The following RYR2 variants were observed in gnomAD, a reference collection of about 807,000 sequenced individuals.
The protein encoded by RYR2 is cardiac muscle ryanodine receptor-calcium release channel.
Under a neutral mutation model 601.1 loss-of-function variants are expected in RYR2, and 227 were observed. The observed-to-expected ratio is 0.38, with a 90% CI of 0.34 to 0.42. The LOEUF (loss-of-function observed/expected upper bound fraction) is 0.42, where lower values mean the gene tolerates loss of function less well. RYR2 is among the 10% of genes least tolerant of loss of function. RYR2 has a pLI of 1.00. For missense variants in RYR2, 4,646 were observed against 6,156.5 expected, an observed-to-expected ratio of 0.75 and a Z score of 8.21; for synonymous variants, 2,223 against 2,175.1, an observed-to-expected ratio of 1.02 and a Z score of -0.61.
intron 27 of RYR2, among the ~76,000 whole-genome samples, chr1:237,560,935 T>C (rs1206993846): frequency 2.0e-5 from 3 of 152,184 alleles, no homozygotes; most frequent in Non-Finnish European, 2.9e-5. Context: ...GCATGTGTTT[T>C]CTGGCGAACT....
At chr1:237,818,594 G>A (rs75716856) in intron 100 of RYR2, among the ~76,000 whole-genome samples, 8,390 of 152,086 alleles carry the variant, frequency 0.055, 747 homozygotes, top group African/African-American at 0.19. Flanking sequence ...AAGGGTGTTA[G>A]TATGTTTTCT....
chr1:237,682,433 T>A (rs2148945837), intron 62 of RYR2, among the ~76,000 whole-genome samples: 1 of 152,280 alleles, frequency 6.6e-6, no homozygotes, highest in South Asian at 2.1e-4. Context: ...ACATTTCAAT[T>A]AATTTTGGAC....
chr1:237,560,330 C>T (rs1333006088), intron 27 of RYR2, among the ~76,000 whole-genome samples: 1 of 152,218 alleles, frequency 6.6e-6, no homozygotes, highest in Non-Finnish European at 1.5e-5. Flanking sequence ...TGATTTTCAA[C>T]AAATGTCCTT....
intron 87 of RYR2, among the ~76,000 whole-genome samples, chr1:237,777,663 G>A (rs190705629): frequency 4.4e-4 from 67 of 152,294 alleles, no homozygotes; most frequent in Middle Eastern, 3.4e-3. Flanking sequence ...AACAGTCTGC[G>A]TGCTACAGCG....
At chr1:237,153,235 TG>T (rs957131230) in intron 1 of RYR2, among the ~76,000 whole-genome samples, 6 of 152,232 alleles carry the variant, frequency 3.9e-5, no homozygotes, top group African/African-American at 1.4e-4. Flanking sequence ...TTTTGAGATT[TG>T]GGGGGAGGGG....
intron 1 of RYR2, among the ~76,000 whole-genome samples, chr1:237,081,887 C>T (rs543654634): frequency 6.6e-6 from 1 of 152,232 alleles, no homozygotes; most frequent in East Asian, 1.9e-4. Flanking sequence ...TGAGCTCCAC[C>T]AGGCACTACT....
intron 1 of RYR2, among the ~76,000 whole-genome samples, chr1:237,259,315 C>T (rs1688284777): frequency 6.6e-6 from 1 of 152,094 alleles, no homozygotes; most frequent in South Asian, 2.1e-4. Flanking sequence ...CAACACCAGT[C>T]TGGCTAACAT....
At chr1:237,387,960 G>A in intron 9 of RYR2, 127 bp from the exon 10 acceptor site, 1 of 824,608 alleles carries the variant, frequency 1.2e-6, no homozygotes. Flanking sequence ...TGTGACCTTG[G>A]CCAGGTCCTT....
At chr1:237,371,426 G>C (rs1264102689) in intron 6 of RYR2, among the ~76,000 whole-genome samples, 1 of 152,018 alleles carries the variant, frequency 6.6e-6, no homozygotes, top group Non-Finnish European at 1.5e-5. Context: ...CAAAGTCCTG[G>C]GATTACAGGC....
chr1:237,213,973 T>TGCAGTGGTG (rs1248117743), intron 1 of RYR2, among the ~76,000 whole-genome samples: 1 of 142,022 alleles, frequency 7.0e-6, no homozygotes, highest in Non-Finnish European at 1.5e-5. Context: ...CAGGCTGGAG[T>TGCAGTGGTG]GCAGTGGTGT....
rs1248065418 is a variant in RYR2 at position 237,819,400 on chromosome 1, A to AT, written c.14590+212dup. ...TGGTATGAAGGGAAGATACAGTGTT[A>AT]TTTTGTCTTCTTTCAAATAACATAA... On this transcript the variant is annotated intron_variant, in intron 101 of 104. Transcript: ENST00000366574. The surrounding 1 kb of genome is among the most constrained non-coding windows in gnomAD (Gnocchi z 4.0). Among the ~76,000 whole-genome samples, 1 of 152,126 alleles carries AT rather than the reference A, an allele frequency of 6.6e-6. No homozygotes were observed. The highest frequency in any genetic ancestry group is 1.5e-5 in the Non-Finnish European group (1 of 68,022).
At chr1:237,134,530 G>A (rs1024640621) in intron 1 of RYR2, among the ~76,000 whole-genome samples, 1 of 152,052 alleles carries the variant, frequency 6.6e-6, no homozygotes, top group African/African-American at 2.4e-5. Flanking sequence ...AGAACAGCAT[G>A]GGAAAGACCT....
At chr1:237,517,305 T>C (rs1046880038) in intron 24 of RYR2, among the ~76,000 whole-genome samples, 14 of 152,184 alleles carry the variant, frequency 9.2e-5, no homozygotes, top group Admixed American at 8.5e-4. Context: ...TTCCTTCACT[T>C]CCTTTATAAC....
intron 15 of RYR2, among the ~76,000 whole-genome samples, chr1:237,455,719 T>C (rs1472098897): frequency 6.6e-6 from 1 of 152,130 alleles, no homozygotes. Flanking sequence ...TTGAGGACGT[T>C]CCCACTGGGT....
intron 10 of RYR2, among the ~76,000 whole-genome samples, chr1:237,390,164 C>A (rs1335484952): frequency 2.7e-5 from 4 of 145,536 alleles, no homozygotes; most frequent in African/African-American, 8.5e-5. Context: ...GGAGTTAGAG[C>A]TTATAAGAGA....
intron 54 of RYR2, among the ~76,000 whole-genome samples, chr1:237,659,015 A>T (rs1683515078): frequency 1.3e-5 from 2 of 152,244 alleles, no homozygotes; most frequent in Admixed American, 1.3e-4. Context: ...AAGTAGGTTC[A>T]TCAGAGGAGT....
At chr1:237,303,292 C>CTTTTTTTTTT (rs386370109) in intron 2 of RYR2, among the ~76,000 whole-genome samples, 5 of 85,254 alleles carry the variant, frequency 5.9e-5, no homozygotes, top group Admixed American at 1.4e-4. Flanking sequence ...CTGCGGTTAT[C>CTTTTTTTTTT]TTTTTTTTTT....
chr1:237,148,530 A>ATT (rs1674302145), intron 1 of RYR2, among the ~76,000 whole-genome samples: 1 of 44,394 alleles, frequency 2.3e-5, no homozygotes, highest in African/African-American at 6.9e-5. Flanking sequence ...AAAAAAAAAT[A>ATT]TATATATATA....
chr1:237,645,166 C>T (rs900501153), intron 48 of RYR2, among the ~76,000 whole-genome samples: 1 of 152,152 alleles, frequency 6.6e-6, no homozygotes, highest in African/African-American at 2.4e-5. Context: ...TCACCATATA[C>T]CTGAAGGTAG....
Sources: allele counts gnomAD v4.1 joint callset (sites outside exome capture counted in the v4.1 genomes callset), GRCh38; gene constraint gnomAD v4.1.1; non-coding constraint Gnocchi (gnomAD v3.1); transcripts MANE v1.5; gene names NCBI Gene and HGNC (gene_info 2026-07-23, HGNC 2026-07-21).